Variants in IPPK observed in about 807,000 individuals in gnomAD.
The protein encoded by IPPK is inositol-pentakisphosphate 2-kinase, also known as IPK1 homolog.
In IPPK, 22 loss-of-function variants were observed where a neutral mutation model predicts 64.6. The observed-to-expected ratio is 0.34, with a 90% confidence interval of 0.24 to 0.49. The LOEUF is 0.49. Ranked by LOEUF, IPPK falls within the 20% of genes least tolerant of loss-of-function variation. The pLI, the probability that IPPK is intolerant of heterozygous loss-of-function variation, is 0.99. For missense variants in IPPK, 532 were observed against 630.7 expected, an observed-to-expected ratio of 0.84 and a Z score of 1.68; for synonymous variants, 262 against 247.2, an observed-to-expected ratio of 1.06 and a Z score of -0.56.
Position 92,670,066 on chromosome 9 carries a change from A to T in IPPK, c.-78T>A, listed in dbSNP as rs1564046909. On this transcript the variant is annotated 5_prime_UTR_variant, in exon 1 of 13. Transcript: ENST00000287996. ...GGGGCCGCCCGCCTCGCTGGGAACC[A>T]GCCGCTGCGGTCGGGGGAGGAGCGC... 1 of 1,087,696 alleles carries T rather than the reference A, an allele frequency of 9.2e-7. No homozygotes were observed. The highest frequency in any genetic ancestry group is 1.6e-5 in the African/African-American group (1 of 60,952). The allele number at this position is 1,087,696 out of a possible 1,614,324, so 67.4% of individuals were successfully genotyped here. A position where few individuals can be genotyped will look rare whatever the true frequency, so the allele number is the denominator to read the frequency against.
intron 4 of IPPK, among the ~76,000 whole-genome samples, chr9:92,651,340 T>A (rs1454862049): frequency 1.3e-5 from 2 of 152,180 alleles, no homozygotes; most frequent in Non-Finnish European, 2.9e-5. Flanking sequence ...AAAAAAAGGT[T>A]TGACCTGATT....
rs528259575 is a variant in IPPK at position 92,643,470 on chromosome 9, A to G, written c.505-660T>C. Among the ~76,000 whole-genome samples the G allele has an allele frequency of 2.6e-5, 4 of 152,380 alleles. No homozygotes were observed. In the East Asian group the frequency reaches 7.7e-4, roughly 29 times the overall value. ...ACATAGCAAACAATTTATTGAATGA[A>G]GAAATGCATAAATGATATGCAGCCA... is the stretch of plus-strand genomic sequence containing the variant. On this transcript the variant is annotated intron_variant, in intron 6 of 12. Transcript: ENST00000287996.
chr9:92,622,572 C>G (rs1183793877), intron 11 of IPPK, among the ~76,000 whole-genome samples: 2 of 151,870 alleles, frequency 1.3e-5, no homozygotes, highest in Non-Finnish European at 2.9e-5. Flanking sequence ...TATAAGACCT[C>G]TCTGAAGAGA....
intron 2 of IPPK, among the ~76,000 whole-genome samples, chr9:92,658,056 T>G (rs1852408143): frequency 6.6e-6 from 1 of 152,182 alleles, no homozygotes; most frequent in Non-Finnish European, 1.5e-5. Flanking sequence ...AGAAGGGCCC[T>G]GAATGCAGGA....
intron 3 of IPPK, among the ~76,000 whole-genome samples, chr9:92,655,274 G>A (rs1852348775): frequency 6.6e-6 from 1 of 152,224 alleles, no homozygotes; most frequent in Admixed American, 6.5e-5. Context: ...CAGCGACCCT[G>A]AGGGGTGCAT....
rs1485358182 is a variant in IPPK at position 92,615,722 on chromosome 9, G to C, written c.*110C>G. The C allele has an allele frequency of 2.3e-6, 2 of 882,624 alleles. No individual in the cohort carries two copies. Among genetic ancestry groups the C allele is most frequent in the Non-Finnish European group, 1.8e-6 (1 of 562,208 alleles). 54.7% of individuals were successfully genotyped at this position (882,624 alleles called of 1,614,324 possible). On this transcript the variant is annotated 3_prime_UTR_variant, in exon 13 of 13. Transcript: ENST00000287996. ...AAGAGGCAATCCCACCTCAAAAGGG[G>C]TTAAAAGCAAAAACATTCACAACCA... is the stretch of plus-strand genomic sequence containing the variant.
intron 3 of IPPK, among the ~76,000 whole-genome samples, chr9:92,653,402 CCT>C (rs1477572410): frequency 1.3e-5 from 2 of 152,160 alleles, no homozygotes; most frequent in African/African-American, 4.8e-5. Flanking sequence ...CACCACCACC[CCT>C]GTCCATTCCC....
intron 6 of IPPK, among the ~76,000 whole-genome samples, chr9:92,643,558 G>GA (rs1210497160): frequency 6.8e-6 from 1 of 147,242 alleles, no homozygotes; most frequent in African/African-American, 2.5e-5. Context: ...GCAACTGGCA[G>GA]AACAATGGAT....
intron 8 of IPPK, among the ~76,000 whole-genome samples, chr9:92,639,856 T>C (rs1481164991): frequency 6.6e-6 from 1 of 152,046 alleles, no homozygotes; most frequent in Non-Finnish European, 1.5e-5. Context: ...CGCCATGGGT[T>C]TCTAACCAAG....
In IPPK at chr9:92,670,056, G is replaced by T. The variant is rs1299502193; in HGVS notation, c.-68C>A. The T allele has an allele frequency of 3.3e-6, 4 of 1,196,172 alleles. No homozygotes were observed. The highest frequency in any genetic ancestry group is 2.9e-5 in the East Asian group (1 of 34,710). 74.1% of individuals were successfully genotyped at this position (1,196,172 alleles called of 1,614,324 possible). On this transcript the variant is annotated 5_prime_UTR_variant, in exon 1 of 13. Coordinates refer to ENST00000287996, the MANE Select transcript of IPPK (RefSeq NM_022755.6). ...ACGCGAGCTGGGGGCCGCCCGCCTC[G>T]CTGGGAACCAGCCGCTGCGGTCGGG...
intron 12 of IPPK, chr9:92,618,800 G>A (rs1851530047): frequency 2.8e-6 from 1 of 353,490 alleles, no homozygotes; most frequent in Non-Finnish European, 5.6e-6. Flanking sequence ...GAAAGTGAGT[G>A]GCTGGCAGCC....
chr9:92,624,759 G>A (rs1851704689), intron 11 of IPPK, among the ~76,000 whole-genome samples: 1 of 152,118 alleles, frequency 6.6e-6, no homozygotes, highest in Non-Finnish European at 1.5e-5. Flanking sequence ...CAGTTTCCAC[G>A]AACCTGTCAA....
At chr9:92,648,009 G>C in intron 6 of IPPK, 50 bp downstream of exon 6, 1 of 1,320,252 alleles carries the variant, frequency 7.6e-7, no homozygotes, top group East Asian at 2.3e-5. Flanking sequence ...CCTCAGCCCA[G>C]ATCCCCAGCG....
At chr9:92,653,374 G>A (rs944115625) in intron 3 of IPPK, among the ~76,000 whole-genome samples, 31 of 151,924 alleles carry the variant, frequency 2.0e-4, no homozygotes, top group African/African-American at 2.7e-4. Context: ...ACCCTGCGCC[G>A]TCACATCCAT....
chr9:92,643,963 T>C (rs1852100768), intron 6 of IPPK, among the ~76,000 whole-genome samples: 2 of 152,242 alleles, frequency 1.3e-5, no homozygotes, highest in African/African-American at 4.8e-5. Flanking sequence ...TAGTGCTTTA[T>C]AGTAAAATGT....
chr9:92,660,614 A>ACT (rs1205777439), intron 1 of IPPK, among the ~76,000 whole-genome samples: 25 of 152,174 alleles, frequency 1.6e-4, no homozygotes, highest in African/African-American at 5.8e-4. Flanking sequence ...GAAATTCCCC[A>ACT]CTGTAGCCTC....
intron 9 of IPPK, among the ~76,000 whole-genome samples, chr9:92,637,533 A>C (rs1156294280): frequency 6.6e-6 from 1 of 152,174 alleles, no homozygotes; most frequent in African/African-American, 2.4e-5. Flanking sequence ...GGCGTCCCGC[A>C]GTCCAAAGGC....
At chr9:92,618,629 T>A (rs1851523842) in intron 12 of IPPK, 1 of 452,376 alleles carries the variant, frequency 2.2e-6, no homozygotes, top group Non-Finnish European at 4.5e-6. Flanking sequence ...CCTGTAGGTA[T>A]TTCCTTAGGG....
chr9:92,618,267 G>A (rs1252087379), intron 12 of IPPK: 1 of 456,710 alleles, frequency 2.2e-6, no homozygotes, highest in Non-Finnish European at 4.4e-6. Context: ...GGTCTGAGAA[G>A]CCACATGGCT....
Sources: gnomAD v4.1 joint callset for allele counts (sites outside exome capture counted in the v4.1 genomes callset) on GRCh38, gnomAD v4.1.1 for gene constraint, MANE v1.5 for transcripts, NCBI Gene and HGNC (gene_info 2026-07-23, HGNC 2026-07-21) for gene names.